FAM135A: variants seen among roughly 807,000 people sequenced by gnomAD.
FAM135A encodes the protein protein FAM135A.
FAM135A carries 79 observed loss-of-function variants against 146.8 expected under a neutral mutation model. The ratio of observed to expected loss-of-function variants is 0.54; its 90% CI spans 0.45 to 0.65. FAM135A has a LOEUF of 0.65. FAM135A is among the 30% of genes least tolerant of loss of function. The pLI is 0.00. For synonymous variants in FAM135A, 562 were observed against 603.6 expected (o/e 0.93, Z 1.01); for missense variants, 1,623 against 1,758.2 (o/e 0.92, Z 1.38).
intron 18 of FAM135A, 60 bp downstream of exon 18, chr6:70,533,914 A>C (rs1007837927): frequency 2.0e-5 from 18 of 903,250 alleles, no homozygotes; most frequent in Non-Finnish European, 2.7e-5. Flanking sequence ...ATAAAAGTTA[A>C]ACAGAATTTG....
chr6:70,482,902 T>G (rs1783991863), intron 10 of FAM135A, among the ~76,000 whole-genome samples: 1 of 150,160 alleles, frequency 6.7e-6, no homozygotes, highest in Admixed American at 6.7e-5. Flanking sequence ...AAAAATATAT[T>G]TTAATTTCTT....
chr6:70,465,812 C>T (rs1780361612), intron 5 of FAM135A, among the ~76,000 whole-genome samples: 1 of 152,204 alleles, frequency 6.6e-6, no homozygotes, highest in Non-Finnish European at 1.5e-5. Context: ...TGATCATGTT[C>T]ATAATACTAA....
At chr6:70,457,325 G>A (rs1778560433) in intron 5 of FAM135A, among the ~76,000 whole-genome samples, 1 of 152,180 alleles carries the variant, frequency 6.6e-6, no homozygotes, top group Admixed American at 6.5e-5. Flanking sequence ...TGACAGGGTG[G>A]TGCTACAGAC....
At chr6:70,539,462 G>T (rs1797438420) in intron 20 of FAM135A, among the ~76,000 whole-genome samples, 1 of 152,074 alleles carries the variant, frequency 6.6e-6, no homozygotes, top group Non-Finnish European at 1.5e-5. Flanking sequence ...TTCAAAAACA[G>T]CAGTAGCCAA....
chr6:70,478,429 A>AT (rs1783034375), intron 8 of FAM135A, among the ~76,000 whole-genome samples: 1 of 152,172 alleles, frequency 6.6e-6, no homozygotes, highest in Non-Finnish European at 1.5e-5. Context: ...CTGACAAATG[A>AT]TATTGGGATG....
intron 4 of FAM135A, among the ~76,000 whole-genome samples, chr6:70,441,932 C>G (rs761556346): frequency 6.6e-5 from 10 of 152,162 alleles, no homozygotes; most frequent in Non-Finnish European, 1.3e-4. Context: ...ATCCACCTGC[C>G]TTGGCCTCCC....
In FAM135A at chr6:70,437,993, C is replaced by T. The variant is rs757360723; in HGVS notation, c.77+9574C>T. On this transcript the variant is annotated intron_variant, in intron 4 of 21. Transcript: ENST00000418814. The stretch of plus-strand genomic sequence containing the variant: ...TACTTATACCATATATTCATTTTTT[C>T]GAGAAACTTTTTTTTACTGTCTGAT... 5.6e-4 allele frequency among the ~76,000 whole-genome samples: 85 copies of T among 151,756 alleles called. 1 individual carries two copies. Among genetic ancestry groups the T allele is most frequent in the Middle Eastern group, 3.4e-3 (1 of 294 alleles).
intron 16 of FAM135A, among the ~76,000 whole-genome samples, chr6:70,528,874 C>G (rs1040442222): frequency 1.8e-5 from 2 of 112,944 alleles, no homozygotes; most frequent in African/African-American, 7.3e-5. Flanking sequence ...GTGTGATTGT[C>G]CCCCTCCCTG....
chr6:70,501,935 A>T (rs1187103807), intron 11 of FAM135A, among the ~76,000 whole-genome samples: 1 of 152,192 alleles, frequency 6.6e-6, no homozygotes, highest in African/African-American at 2.4e-5. Flanking sequence ...TCCTAATAAC[A>T]GTATTTTATA....
intron 20 of FAM135A, among the ~76,000 whole-genome samples, chr6:70,546,086 G>A (rs1798818693): frequency 6.6e-6 from 1 of 151,948 alleles, no homozygotes; most frequent in East Asian, 1.9e-4. Flanking sequence ...AGTGAATTGT[G>A]AGAAATGAGT....
intron 2 of FAM135A, among the ~76,000 whole-genome samples, chr6:70,421,606 C>T (rs1029225646): frequency 6.6e-6 from 1 of 152,174 alleles, no homozygotes; most frequent in African/African-American, 2.4e-5. Flanking sequence ...CACTTAGTTT[C>T]AGAGTCATTT....
chr6:70,537,165 A>C (rs1582829799), intron 19 of FAM135A, among the ~76,000 whole-genome samples: 1 of 151,844 alleles, frequency 6.6e-6, no homozygotes, highest in Non-Finnish European at 1.5e-5. Flanking sequence ...TGATCTCCTG[A>C]CCTCGTGATC....
intron 20 of FAM135A, among the ~76,000 whole-genome samples, chr6:70,545,093 G>A (rs1374160729): frequency 1.3e-5 from 2 of 151,262 alleles, no homozygotes; most frequent in African/African-American, 2.4e-5. Flanking sequence ...AAAAAACCAC[G>A]AGTATTATAG....
At chr6:70,476,453 A>G (rs934043980) in intron 7 of FAM135A, among the ~76,000 whole-genome samples, 2 of 152,170 alleles carry the variant, frequency 1.3e-5, no homozygotes, top group African/African-American at 4.8e-5. Flanking sequence ...ACTATATGGT[A>G]GCTACTGTTC....
At chr6:70,545,158 T>A (rs1003085078) in intron 20 of FAM135A, among the ~76,000 whole-genome samples, 1 of 152,198 alleles carries the variant, frequency 6.6e-6, no homozygotes, top group Non-Finnish European at 1.5e-5. Context: ...GGAAAATTTT[T>A]TTAACAGAAC....
chr6:70,531,151 G>A (rs1795727200), intron 16 of FAM135A, among the ~76,000 whole-genome samples: 2 of 152,154 alleles, frequency 1.3e-5, no homozygotes, highest in Admixed American at 1.3e-4. Flanking sequence ...TTCTGCAAAA[G>A]CTTTGGCTGA....
chr6:70,430,156 G>T (rs1412878428), intron 4 of FAM135A, among the ~76,000 whole-genome samples: 2 of 152,084 alleles, frequency 1.3e-5, no homozygotes, highest in African/African-American at 4.8e-5. Context: ...GGCCAACATG[G>T]TGAAGCCCCA....
At chr6:70,471,864 A>T (rs1421475145) in intron 5 of FAM135A, among the ~76,000 whole-genome samples, 1 of 152,048 alleles carries the variant, frequency 6.6e-6, no homozygotes, top group Non-Finnish European at 1.5e-5. Context: ...GAGAAAAGGA[A>T]CCCAGGAGAT....
At chr6:70,433,453 A>G (rs1448414982) in intron 4 of FAM135A, among the ~76,000 whole-genome samples, 1 of 152,180 alleles carries the variant, frequency 6.6e-6, no homozygotes, top group African/African-American at 2.4e-5. Flanking sequence ...GCTTCAGGCA[A>G]ACCAGGACAT....
Sources: allele counts gnomAD v4.1 joint callset (sites outside exome capture counted in the v4.1 genomes callset), GRCh38; gene constraint gnomAD v4.1.1; transcripts MANE v1.5; gene names NCBI Gene and HGNC (gene_info 2026-07-23, HGNC 2026-07-21).